The following GRAMD1C variants were observed in gnomAD, a reference collection of about 807,000 sequenced individuals.
GRAMD1C encodes GRAM domain containing 1C.
A neutral mutation model predicts 97.8 loss-of-function variants in GRAMD1C; 89 were observed. The observed-to-expected ratio is 0.91, with a 90% CI of 0.77 to 1.09. The LOEUF is 1.09. GRAMD1C is among the 50% of genes least tolerant of loss of function. GRAMD1C has a pLI of 0.00. For missense variants in GRAMD1C, 740 were observed against 766.4 expected, an observed-to-expected ratio of 0.97 and a Z score of 0.41; for synonymous variants, 256 against 267.0, an observed-to-expected ratio of 0.96 and a Z score of 0.40.
At position 113,866,921 on chromosome 3, in the gene GRAMD1C, C is replaced by T. The variant is rs190896721; in HGVS notation, c.175-2586C>T. ...TTGGCTCACTGCAACCTCCGCCCTCCGAGTTCAAGGGATTCTCCTGCTTCA... is the reference window on the plus strand; with the variant it reads ...TTGGCTCACTGCAACCTCCGCCCTCTGAGTTCAAGGGATTCTCCTGCTTCA... On this transcript the variant is annotated intron_variant, in intron 2 of 17. Transcript: ENST00000358160. Among the ~76,000 whole-genome samples the T allele has an allele frequency of 3.5e-3, 529 of 152,018 alleles. 4 individuals carry two copies. The highest frequency in any genetic ancestry group is 0.012 in the African/African-American group (480 of 41,456).
In GRAMD1C at chr3:113,909,038, A is replaced by G. The variant is rs1936469218; in HGVS notation, c.870A>G (p.Arg290=). The G allele has an allele frequency of 2.6e-6, 4 of 1,568,438 alleles. No individual in the cohort carries two copies. Among genetic ancestry groups the G allele is most frequent in the Non-Finnish European group, 3.5e-6 (4 of 1,154,400 alleles). Residue 290 remains arginine, a synonymous_variant, in exon 9 of 18, where the codon AGA becomes AGG. Coordinates refer to ENST00000358160, the MANE Select transcript of GRAMD1C (RefSeq NM_017577.5). ...LLPTLEKKLT[R]VPSKSLDLNK... ...CAACTTTGGAAAAGAAGTTAACTAG[A>G]GTGCCATCAAAGTCACTGGACTTGA... is the stretch of plus-strand genomic sequence containing the variant.
chr3:113,850,452 G>A (rs929976227), intron 2 of GRAMD1C: 9 of 1,356,068 alleles, frequency 6.6e-6, no homozygotes, highest in East Asian at 4.6e-5. Flanking sequence ...TGGCTGCAGC[G>A]TAGGGTGGCA....
chr3:113,933,535 G>A lies in GRAMD1C; in HGVS notation c.1234G>A (p.Ala412Thr). The A allele has an allele frequency of 6.2e-7, 1 of 1,611,854 alleles. No homozygotes were observed. The highest frequency in any genetic ancestry group is 8.5e-7 in the Non-Finnish European group (1 of 1,178,004). The stretch of plus-strand genomic sequence containing the variant: ...GACACTGTATAAAGAAAGTCGGGAA[G>A]CACGATTTTATTTGGTAGATTCAGA... ...KQTLYKESRE[A>T]RFYLVDSEVL... The change falls in exon 12 of 18, where the codon GCA becomes ACA. Residue 412 changes from alanine to threonine, a missense_variant. Coordinates refer to ENST00000358160, the MANE Select transcript of GRAMD1C (RefSeq NM_017577.5).
intron 1 of GRAMD1C, among the ~76,000 whole-genome samples, chr3:113,840,261 G>A (rs928080515): frequency 6.6e-6 from 1 of 151,970 alleles, no homozygotes; most frequent in African/African-American, 2.4e-5. Context: ...CCACCACCGC[G>A]CCCGGCCCTG....
chr3:113,940,431 C>T, intron 17 of GRAMD1C, 86 bp downstream of exon 17: 1 of 767,288 alleles, frequency 1.3e-6, no homozygotes, highest in Admixed American at 2.2e-5. Context: ...AATATTTACC[C>T]TACTATCGTT....
chr3:113,931,941 A>G (rs1937445596), intron 11 of GRAMD1C, among the ~76,000 whole-genome samples: 1 of 152,218 alleles, frequency 6.6e-6, no homozygotes, highest in Non-Finnish European at 1.5e-5. Context: ...TAAAAAATAA[A>G]AACAAAAGAA....
At chr3:113,906,560 A>G (rs1936379903) in intron 8 of GRAMD1C, among the ~76,000 whole-genome samples, 2 of 152,236 alleles carry the variant, frequency 1.3e-5, no homozygotes, top group Non-Finnish European at 2.9e-5. Context: ...GTCTAACCTA[A>G]GTATTTTTAC....
intron 2 of GRAMD1C, among the ~76,000 whole-genome samples, chr3:113,861,184 A>G (rs942694579): frequency 2.0e-5 from 3 of 152,190 alleles, no homozygotes; most frequent in Non-Finnish European, 4.4e-5. Context: ...ATATACACGA[A>G]TCAACTTGAA....
At chr3:113,928,053 C>T (rs1022262425) in intron 10 of GRAMD1C, among the ~76,000 whole-genome samples, 31 of 152,108 alleles carry the variant, frequency 2.0e-4, no homozygotes, top group Non-Finnish European at 3.4e-4. Context: ...TACACAGGTG[C>T]CTGTGTACAA....
chr3:113,935,472 C>T (rs1937559525), intron 13 of GRAMD1C, among the ~76,000 whole-genome samples: 1 of 149,458 alleles, frequency 6.7e-6, no homozygotes, highest in African/African-American at 2.5e-5. Context: ...TATTTCTTAA[C>T]ATATACATGC....
In GRAMD1C at chr3:113,841,946, C is replaced by T. The variant is rs1338894091; in HGVS notation, c.28-2557C>T. On this transcript the variant is annotated intron_variant, in intron 1 of 17. Transcript: ENST00000358160. ...CTCTTGGCCTGAAGTGATCCTCCTGCCTCAGTCTCCCAAAATGTTGGGATT... is the reference window on the plus strand; with the variant it reads ...CTCTTGGCCTGAAGTGATCCTCCTGTCTCAGTCTCCCAAAATGTTGGGATT... Among the ~76,000 whole-genome samples the T allele has an allele frequency of 2.0e-5, 3 of 152,296 alleles. No homozygotes were observed. The South Asian group carries it at 6.2e-4, about 32-fold the overall frequency.
At chr3:113,923,078 G>T (rs1434088761) in intron 10 of GRAMD1C, among the ~76,000 whole-genome samples, 1 of 151,548 alleles carries the variant, frequency 6.6e-6, no homozygotes, top group Admixed American at 6.6e-5. Context: ...ACTCAGCTTG[G>T]GTGTTGTTGG....
chr3:113,865,590 A>G (rs570617338), intron 2 of GRAMD1C, among the ~76,000 whole-genome samples: 2 of 152,356 alleles, frequency 1.3e-5, no homozygotes, highest in African/African-American at 4.8e-5. Flanking sequence ...GAACTACAAG[A>G]AAAGAAGAAA....
At chr3:113,901,763 T>A (rs1936180800) in intron 7 of GRAMD1C, among the ~76,000 whole-genome samples, 1 of 152,218 alleles carries the variant, frequency 6.6e-6, no homozygotes, top group Non-Finnish European at 1.5e-5. Flanking sequence ...AAGTGCATTA[T>A]GTCCAGTGGA....
intron 1 of GRAMD1C, among the ~76,000 whole-genome samples, chr3:113,841,285 C>CTTTCTTTT (rs1553714128): frequency 6.4e-5 from 6 of 94,336 alleles, no homozygotes; most frequent in East Asian, 3.5e-4. Flanking sequence ...TTCTTTCTTT[C>CTTTCTTTT]TTTTTTTTTT....
In GRAMD1C at chr3:113,885,730, T is replaced by A. The variant is rs575518084; in HGVS notation, c.540+2898T>A. ...TATGGCTTTGCTGTGGCAGGTAAAC[T>A]GGACAATAGCAGAAGCATCCTTAAG... On this transcript the variant is annotated intron_variant, in intron 6 of 17. Coordinates refer to ENST00000358160, the MANE Select transcript of GRAMD1C (RefSeq NM_017577.5). 1.7e-5 allele frequency: 27 copies of A among 1,562,850 alleles called. No individual in the cohort carries two copies. In the African/African-American group the frequency reaches 3.5e-4, roughly 20 times the overall value.
At chr3:113,869,471 C>T in intron 2 of GRAMD1C, 36 bp from the exon 3 acceptor site, 1 of 981,566 alleles carries the variant, frequency 1.0e-6, no homozygotes, top group South Asian at 1.4e-5. Flanking sequence ...ACTATAATTA[C>T]AATTAGACAG....
intron 10 of GRAMD1C, among the ~76,000 whole-genome samples, chr3:113,924,555 A>G (rs1194506469): frequency 1.3e-5 from 2 of 152,082 alleles, no homozygotes; most frequent in Non-Finnish European, 2.9e-5. Flanking sequence ...AGGTTGTTTA[A>G]TTTCCATGTA....
At chr3:113,886,756 T>G (rs1935498533) in intron 6 of GRAMD1C, among the ~76,000 whole-genome samples, 1 of 148,882 alleles carries the variant, frequency 6.7e-6, no homozygotes, top group African/African-American at 2.5e-5. Context: ...CCAAAAGTTG[T>G]TTTTTTTTGT....
Sources: gnomAD v4.1 joint callset for allele counts (sites outside exome capture counted in the v4.1 genomes callset) on GRCh38, gnomAD v4.1.1 for gene constraint, MANE v1.5 for transcripts, NCBI Gene and HGNC (gene_info 2026-07-23, HGNC 2026-07-21) for gene names.